Variants in ATP13A4 observed in about 807,000 individuals in gnomAD.
The protein encoded by ATP13A4 is probable cation-transporting ATPase 13A4.
A neutral mutation model predicts 142.5 loss-of-function variants in ATP13A4; 114 were observed. The ratio of observed to expected loss-of-function variants is 0.80; its 90% CI spans 0.69 to 0.93. ATP13A4 has a LOEUF of 0.93. Ranked by LOEUF, ATP13A4 falls within the 40% of genes least tolerant of loss-of-function variation. The pLI is 0.00. For synonymous variants in ATP13A4, 488 were observed against 514.8 expected (o/e 0.95, Z 0.70); for missense variants, 1,392 against 1,454.0 (o/e 0.96, Z 0.69).
intron 18 of ATP13A4, among the ~76,000 whole-genome samples, chr3:193,447,079 C>T (rs76598174): frequency 7.2e-5 from 11 of 151,922 alleles, no homozygotes; most frequent in Admixed American, 4.6e-4. Flanking sequence ...GAAAGAAATA[C>T]GGCAGAAATT....
chr3:193,431,449 G>C (rs1392116071), intron 25 of ATP13A4, among the ~76,000 whole-genome samples: 1 of 152,000 alleles, frequency 6.6e-6, no homozygotes, highest in Non-Finnish European at 1.5e-5. Context: ...AAGTCATGGG[G>C]CTGGTTGAGA....
At chr3:193,549,615 G>A (rs1723430221) in intron 1 of ATP13A4, among the ~76,000 whole-genome samples, 1 of 152,002 alleles carries the variant, frequency 6.6e-6, no homozygotes, top group African/African-American at 2.4e-5. Context: ...GGATCTCTTG[G>A]GTCCAGGAGT....
At chr3:193,540,360 G>A (rs1015753904) in intron 1 of ATP13A4, among the ~76,000 whole-genome samples, 1 of 151,676 alleles carries the variant, frequency 6.6e-6, no homozygotes, top group African/African-American at 2.4e-5. Flanking sequence ...AGCAAATGTG[G>A]CAATTCTGTG....
chr3:193,584,953 C>T (rs1276362940), intron 1 of ATP13A4, among the ~76,000 whole-genome samples: 1 of 152,170 alleles, frequency 6.6e-6, no homozygotes, highest in African/African-American at 2.4e-5. Flanking sequence ...GAAAGTTCCC[C>T]AATGTTCCTC....
chr3:193,437,788 A>C (rs939927983), intron 23 of ATP13A4, among the ~76,000 whole-genome samples: 1 of 151,964 alleles, frequency 6.6e-6, no homozygotes, highest in Admixed American at 6.6e-5. Flanking sequence ...GGGGACATCA[A>C]AGCAAATTTT....
intron 26 of ATP13A4, among the ~76,000 whole-genome samples, chr3:193,413,888 T>C (rs931316187): frequency 1.3e-5 from 2 of 152,198 alleles, no homozygotes; most frequent in African/African-American, 2.4e-5. Flanking sequence ...CTTTGCCTTG[T>C]GATCTTTATT....
At chr3:193,456,171 A>G (rs1232679466) in intron 16 of ATP13A4, among the ~76,000 whole-genome samples, 2 of 152,192 alleles carry the variant, frequency 1.3e-5, no homozygotes, top group Non-Finnish European at 2.9e-5. Flanking sequence ...TGAACTTAAA[A>G]TATAGGTTAA....
chr3:193,554,621 T>G, intron 1 of ATP13A4, 119 bp downstream of exon 1: 1 of 1,352,966 alleles, frequency 7.4e-7, no homozygotes, highest in Non-Finnish European at 1.1e-6. Context: ...CAGAGTGAAA[T>G]TTTAGAAAAG....
At chr3:193,574,835 A>C (rs1724360416) in intron 2 of ATP13A4, among the ~76,000 whole-genome samples, 2 of 152,176 alleles carry the variant, frequency 1.3e-5, no homozygotes, top group Admixed American at 6.5e-5. Context: ...GTATGAAGCA[A>C]GAGGGTAATT....
At chr3:193,590,381 G>T (rs963057031) in intron 1 of ATP13A4, among the ~76,000 whole-genome samples, 3 of 152,062 alleles carry the variant, frequency 2.0e-5, no homozygotes, top group African/African-American at 7.2e-5. Context: ...GAAATATACC[G>T]CAAAAAAGCA....
At chr3:193,569,737 C>T (rs1471908925) in intron 2 of ATP13A4, among the ~76,000 whole-genome samples, 2 of 151,904 alleles carry the variant, frequency 1.3e-5, no homozygotes, top group East Asian at 1.9e-4. Context: ...GGTCTTGCTA[C>T]GTTTCCAAGC....
Position 193,402,565 on chromosome 3 carries a change from T to C in ATP13A4, c.*87A>G. On this transcript the variant is annotated 3_prime_UTR_variant, in exon 30 of 30. Transcript: ENST00000342695. ...GTAGCCCCAAAACTCCAGCTGATGT[T>C]ACAAGAGTCTCATTTCTTAAAATCA... 1 of 747,134 alleles carries C rather than the reference T, an allele frequency of 1.3e-6. No individual in the cohort carries two copies. Among genetic ancestry groups the C allele is most frequent in the Non-Finnish European group, 2.5e-6 (1 of 406,770 alleles). 46.3% of individuals were successfully genotyped at this position (747,134 alleles called of 1,614,324 possible).
rs769902940 is a variant in ATP13A4, at chr3:193,514,667, G to A, written c.234+31C>T. The A allele has an allele frequency of 8.8e-6, 14 of 1,593,722 alleles. No homozygotes were observed. In the African/African-American group the frequency reaches 1.2e-4, roughly 14 times the overall value. On this transcript the variant is annotated intron_variant, in intron 2 of 29. Coordinates refer to ENST00000342695, the MANE Select transcript of ATP13A4 (RefSeq NM_032279.4). Reference sequence around the variant, plus strand: ...CACATTGTCCAGAAACAAAAGGGGGGCACCAGCGACATAACCAGGTACACA... The same window carrying A: ...CACATTGTCCAGAAACAAAAGGGGGACACCAGCGACATAACCAGGTACACA...
chr3:193,519,314 AC>A (rs1721588206), intron 1 of ATP13A4, among the ~76,000 whole-genome samples: 1 of 152,204 alleles, frequency 6.6e-6, no homozygotes, highest in Admixed American at 6.5e-5. Context: ...AGATAAGGAA[AC>A]TGAGGTACTA....
chr3:193,493,290 C>G, intron 3 of ATP13A4, 130 bp from the exon 4 acceptor site: 1 of 795,224 alleles, frequency 1.3e-6, no homozygotes, highest in South Asian at 1.7e-5. Context: ...AGATTTTATC[C>G]TTTTCTAATT....
chr3:193,558,194 A>G (rs750500411), upstream of ATP13A4, among the ~76,000 whole-genome samples: 9 of 152,240 alleles, frequency 5.9e-5, no homozygotes, highest in Non-Finnish European at 1.3e-4. Context: ...GTATTTATGT[A>G]GACAGTTTTC....
chr3:193,534,826 A>C (rs1722509039), intron 1 of ATP13A4, among the ~76,000 whole-genome samples: 1 of 152,154 alleles, frequency 6.6e-6, no homozygotes, highest in African/African-American at 2.4e-5. Context: ...TAATGGCCGA[A>C]AACATCTCAA....
At chr3:193,563,914 G>A (rs1176136201) in intron 2 of ATP13A4, among the ~76,000 whole-genome samples, 1 of 152,154 alleles carries the variant, frequency 6.6e-6, no homozygotes, top group Non-Finnish European at 1.5e-5. Context: ...GAGAGAAAAT[G>A]AGAGCCAGAA....
At chr3:193,544,822 T>A (rs1310320013) in intron 1 of ATP13A4, among the ~76,000 whole-genome samples, 1 of 152,236 alleles carries the variant, frequency 6.6e-6, no homozygotes, top group Non-Finnish European at 1.5e-5. Flanking sequence ...AATAACAGGC[T>A]ACATCAAAAG....
Sources: allele counts gnomAD v4.1 joint callset (sites outside exome capture counted in the v4.1 genomes callset), GRCh38; gene constraint gnomAD v4.1.1; transcripts MANE v1.5; gene names NCBI Gene and HGNC (gene_info 2026-07-23, HGNC 2026-07-21).